The following HDLBP variants were observed in gnomAD, a reference collection of about 807,000 sequenced individuals.
The protein encoded by HDLBP is vigilin.
Under a neutral mutation model 137.3 loss-of-function variants are expected in HDLBP, and 30 were observed. That is an observed-to-expected ratio of 0.22 (90% CI 0.16 to 0.30). HDLBP has a LOEUF of 0.30. Among genes scored for constraint, HDLBP ranks in the 10% least tolerant of loss-of-function variants. The probability of loss-of-function intolerance (pLI) is 1.00; values close to 1 mark genes in which losing one functional copy is unlikely to be tolerated. For missense variants in HDLBP, 1,119 were observed against 1,667.3 expected (o/e 0.67, Z 5.73); for synonymous variants, 606 against 596.0 (o/e 1.02, Z -0.24).
rs868465200 is a variant in HDLBP at position 241,309,575 on chromosome 2, G to C, written c.-103+5995C>G. 2.6e-5 allele frequency among the ~76,000 whole-genome samples: 4 copies of C among 152,324 alleles called. 1 individual carries two copies. In the South Asian group the frequency reaches 8.3e-4, roughly 32 times the overall value. The stretch of plus-strand genomic sequence containing the variant: ...CTGGCAATATGACTGGAAGCCAGGA[G>C]ACCTGAATTAAAAACAGAGTTGGCT... On this transcript the variant is annotated intron_variant, in intron 1 of 27. Coordinates refer to ENST00000310931, the MANE Select transcript of HDLBP (RefSeq NM_005336.6).
intron 1 of HDLBP, among the ~76,000 whole-genome samples, chr2:241,296,562 A>G (rs2149675447): frequency 6.6e-6 from 1 of 152,372 alleles, no homozygotes. Flanking sequence ...GGAGTTTTTC[A>G]ATGTCTGGAA....
chr2:241,249,224 G>A (rs184432415), intron 12 of HDLBP: 7 of 440,878 alleles, frequency 1.6e-5, no homozygotes, highest in East Asian at 7.1e-5. Flanking sequence ...TCCCCTAAGC[G>A]AATGACAGGG....
intron 2 of HDLBP, chr2:241,267,897 C>A (rs1428095341): frequency 1.0e-6 from 1 of 985,426 alleles, no homozygotes; most frequent in Non-Finnish European, 1.2e-6. Flanking sequence ...CCACAGTGCT[C>A]AGCGGGATAT....
rs750052815 is a variant in HDLBP at position 241,230,287 on chromosome 2, C to T, written c.3475-18G>A. ...ATGTCCACCTGGAAGGGGTGTACAA[C>T]GTCAGATGAGGGGACTCCAAGCGAG... is the stretch of plus-strand genomic sequence containing the variant. On this transcript the variant is annotated intron_variant, in intron 25 of 27. Coordinates refer to ENST00000310931, the MANE Select transcript of HDLBP (RefSeq NM_005336.6). This position sits in a 1 kb window ranked among gnomAD's most constrained non-coding sequence, Gnocchi z 5.0. 1.0e-5 allele frequency: 15 copies of T among 1,470,070 alleles called. No homozygotes were observed. In the Middle Eastern group the frequency reaches 5.3e-4, roughly 52 times the overall value. 91.1% of individuals were successfully genotyped at this position (1,470,070 alleles called of 1,614,324 possible).
chr2:241,314,425 G>A (rs560270655), intron 1 of HDLBP, among the ~76,000 whole-genome samples: 1 of 152,292 alleles, frequency 6.6e-6, no homozygotes, highest in African/African-American at 2.4e-5. Context: ...TAGCTGCTAA[G>A]AAAGTGACTA....
In HDLBP at chr2:241,227,401, G is replaced by A. The variant is rs2069232835; in HGVS notation, c.*2200C>T. ...CCAAATTCCAAAGTTAAGGCCAAGG[G>A]ATGGATTGTAGCTATGGAAACAGAT... On this transcript the variant is annotated 3_prime_UTR_variant, in exon 28 of 28. Coordinates refer to ENST00000310931, the MANE Select transcript of HDLBP (RefSeq NM_005336.6). The A allele has an allele frequency of 6.6e-6, 1 of 152,568 alleles. No homozygotes were observed. Among genetic ancestry groups the A allele is most frequent in the Non-Finnish European group, 1.5e-5 (1 of 68,050 alleles). 9.5% of individuals were successfully genotyped at this position (152,568 alleles called of 1,614,324 possible).
intron 1 of HDLBP, among the ~76,000 whole-genome samples, chr2:241,281,254 T>C (rs1313120617): frequency 6.6e-6 from 1 of 152,082 alleles, no homozygotes; most frequent in Admixed American, 6.5e-5. Context: ...CTCGGGAGGC[T>C]GAGGTGGGAG....
chr2:241,287,767 T>C (rs1270474405), intron 1 of HDLBP, among the ~76,000 whole-genome samples: 4 of 152,208 alleles, frequency 2.6e-5, no homozygotes, highest in Non-Finnish European at 5.9e-5. Context: ...TGTTAAAAGA[T>C]ATACATGTTT....
At chr2:241,296,007 A>G (rs1026651470) in intron 1 of HDLBP, among the ~76,000 whole-genome samples, 1 of 151,368 alleles carries the variant, frequency 6.6e-6, no homozygotes, top group Non-Finnish European at 1.5e-5. Context: ...GCCCTGGGAA[A>G]GTAACACAAC....
chr2:241,256,447 C>T, intron 6 of HDLBP, 48 bp from the exon 7 acceptor site: 1 of 1,543,896 alleles, frequency 6.5e-7, no homozygotes, highest in South Asian at 1.2e-5. Context: ...TGAAAACAAA[C>T]TGGGGACAGA....
Position 241,255,068 on chromosome 2 carries a change from T to A in HDLBP, c.1171A>T (p.Thr391Ser). ...GKKGQNLAKITQQMPKVHIEF... is the reference protein window; with the variant it reads ...GKKGQNLAKISQQMPKVHIEF... Reference sequence around the variant, plus strand: ...GTCCTTACCTTTGGCATCTGCTGAGTGATTTTGGCCAGGTTCTGCCCTTTC... The same window carrying A: ...GTCCTTACCTTTGGCATCTGCTGAGAGATTTTGGCCAGGTTCTGCCCTTTC... Residue 391 changes from threonine (T) to serine (S), a missense_variant, in exon 9 of 28, where the codon ACT becomes TCT. Physicochemically the swap from Thr to Ser is moderately conservative, Grantham distance 58 (BLOSUM62 1). Coordinates refer to ENST00000310931, the MANE Select transcript of HDLBP (RefSeq NM_005336.6). The A allele has an allele frequency of 6.2e-7, 1 of 1,613,204 alleles. No homozygotes were observed. The highest frequency in any genetic ancestry group is 1.1e-5 in the South Asian group (1 of 91,052).
chr2:241,307,608 G>A (rs1043350284), intron 1 of HDLBP, among the ~76,000 whole-genome samples: 7 of 152,150 alleles, frequency 4.6e-5, no homozygotes, highest in African/African-American at 1.7e-4. Flanking sequence ...CCCCCCATGA[G>A]GCTTTACCAA....
chr2:241,264,494 G>C lies in HDLBP; in HGVS notation c.188C>G (p.Ala63Gly). ...GATGGGTCGGATCTTGTTCCCCCAG[G>C]CTCCAGCGGGTTCCTGGGCACTTTC... ...CLESAQEPAG[A>G]WGNKIRPIKA... Residue 63 changes from alanine (A) to glycine (G), a missense_variant, in exon 4 of 28, where the codon GCC (alanine) becomes GGC (glycine). Physicochemically the swap from Ala to Gly is moderately conservative, Grantham distance 60. This residue lies in a region of HDLBP where 59 missense variants were observed against 92.4 expected (regional missense o/e 0.64). Transcript: ENST00000310931. The C allele has an allele frequency of 2.5e-6, 4 of 1,613,524 alleles. No homozygotes were observed. Among genetic ancestry groups the C allele is most frequent in the Non-Finnish European group, 3.4e-6 (4 of 1,179,526 alleles).
intron 1 of HDLBP, among the ~76,000 whole-genome samples, chr2:241,277,389 C>T (rs1301653801): frequency 6.6e-6 from 1 of 152,140 alleles, no homozygotes; most frequent in African/African-American, 2.4e-5. Context: ...ACAAAACCTA[C>T]ATCCAAATTT....
intron 14 of HDLBP, 96 bp downstream of exon 14, chr2:241,247,907 G>C: frequency 2.4e-6 from 2 of 829,398 alleles, no homozygotes; most frequent in Non-Finnish European, 4.1e-6. Flanking sequence ...GCTTTCCCCA[G>C]AGCAGGGGTC....
At chr2:241,313,908 G>A (rs753200670) in intron 1 of HDLBP, among the ~76,000 whole-genome samples, 10 of 152,188 alleles carry the variant, frequency 6.6e-5, no homozygotes, top group Non-Finnish European at 1.0e-4. Context: ...TTACCCGAAT[G>A]ACGTTAATTT....
intron 1 of HDLBP, among the ~76,000 whole-genome samples, chr2:241,270,217 C>G (rs546937923): frequency 1.0e-3 from 153 of 152,306 alleles, no homozygotes; most frequent in African/African-American, 3.5e-3. Context: ...ATAAGGGAAC[C>G]TACTCCTGTG....
rs757592730 is a variant in HDLBP, at chr2:241,256,392, C to T, written c.665G>A (p.Arg222His). The change falls in exon 7 of 28, where the codon CGT becomes CAT. Residue 222 changes from arginine to histidine, a missense_variant. Transcript: ENST00000310931. Reference sequence around the variant, plus strand: ...TTCTACTTCTAGCCTCTCCACAGCACGTTTGTCCTGGAAAGGAAGGGATGA... The same window carrying T: ...TTCTACTTCTAGCCTCTCCACAGCATGTTTGTCCTGGAAAGGAAGGGATGA... ...VLLISAEQDKRAVERLEVEKA... is the reference protein window; with the variant it reads ...VLLISAEQDKHAVERLEVEKA... The T allele has an allele frequency of 1.0e-5, 16 of 1,605,784 alleles. No individual in the cohort carries two copies. In the East Asian group the frequency reaches 2.7e-4, roughly 27 times the overall value.
At chr2:241,289,139 C>T (rs1166206479) in intron 1 of HDLBP, among the ~76,000 whole-genome samples, 1 of 152,200 alleles carries the variant, frequency 6.6e-6, no homozygotes, top group African/African-American at 2.4e-5. Context: ...TACTTTTCTA[C>T]AAACAAGAAA....
Sources: gnomAD v4.1 joint callset for allele counts (sites outside exome capture counted in the v4.1 genomes callset) on GRCh38, gnomAD v4.1.1 for gene constraint, gnomAD v4.1.1 regional missense constraint, Gnocchi (gnomAD v3.1) non-coding constraint, MANE v1.5 for transcripts, NCBI Gene and HGNC (gene_info 2026-07-23, HGNC 2026-07-21) for gene names.